Variants in KHDRBS2 observed in about 807,000 individuals in gnomAD.
KHDRBS2 encodes the protein KH domain-containing, RNA-binding, signal transduction-associated protein 2.
A neutral mutation model predicts 44.3 loss-of-function variants in KHDRBS2; 26 were observed. The observed-to-expected ratio is 0.59, with a 90% CI of 0.43 to 0.81. The LOEUF (loss-of-function observed/expected upper bound fraction) is 0.81. Ranked by LOEUF, KHDRBS2 falls within the 40% of genes least tolerant of loss-of-function variation. The pLI is 0.00. For missense variants in KHDRBS2, 476 were observed against 433.1 expected (o/e 1.10, Z -0.88); for synonymous variants, 194 against 151.1 (o/e 1.28, Z -2.08).
At chr6:61,758,576 C>G (rs574376428) in intron 6 of KHDRBS2, among the ~76,000 whole-genome samples, 1 of 152,080 alleles carries the variant, frequency 6.6e-6, no homozygotes, top group Non-Finnish European at 1.5e-5. Context: ...TGGTAGTTTA[C>G]ATAACTTAAA....
chr6:61,970,227 T>C (rs1055210109), intron 4 of KHDRBS2, among the ~76,000 whole-genome samples: 2 of 152,028 alleles, frequency 1.3e-5, no homozygotes, highest in Admixed American at 1.3e-4. Context: ...TAATTCATTA[T>C]TGAACTCCCA....
At chr6:61,793,018 A>G (rs1784838273) in intron 6 of KHDRBS2, among the ~76,000 whole-genome samples, 1 of 152,004 alleles carries the variant, frequency 6.6e-6, no homozygotes, top group Non-Finnish European at 1.5e-5. Flanking sequence ...TCAAGATATT[A>G]CAAAGCTTCG....
At chr6:61,895,240 T>C (rs1180276334) in intron 5 of KHDRBS2, among the ~76,000 whole-genome samples, 1 of 151,986 alleles carries the variant, frequency 6.6e-6, no homozygotes, top group Non-Finnish European at 1.5e-5. Context: ...GGACCATCTC[T>C]GAAACTGAGC....
chr6:61,734,384 A>G (rs1774986633), intron 6 of KHDRBS2, among the ~76,000 whole-genome samples: 1 of 152,110 alleles, frequency 6.6e-6, no homozygotes, highest in Non-Finnish European at 1.5e-5. Context: ...TCCCCAAAAT[A>G]GTAGTTCCTT....
chr6:61,995,709 G>T (rs1777044856), intron 3 of KHDRBS2, among the ~76,000 whole-genome samples: 5 of 152,092 alleles, frequency 3.3e-5, no homozygotes, highest in Admixed American at 2.6e-4. Context: ...TTTTAACTAA[G>T]AGTGGGGAAG....
intron 2 of KHDRBS2, among the ~76,000 whole-genome samples, chr6:62,118,180 G>C (rs1806740319): frequency 6.6e-6 from 1 of 152,170 alleles, no homozygotes; most frequent in Non-Finnish European, 1.5e-5. Context: ...TGTTAATGGT[G>C]TCTTTGTCAA....
chr6:62,116,766 C>T (rs774078747), intron 2 of KHDRBS2, among the ~76,000 whole-genome samples: 4 of 151,836 alleles, frequency 2.6e-5, no homozygotes, highest in Non-Finnish European at 5.9e-5. Context: ...TTTTCTGCGC[C>T]CTCCCACCCC....
chr6:61,841,906 A>G (rs1348297924), intron 6 of KHDRBS2, among the ~76,000 whole-genome samples: 1 of 152,140 alleles, frequency 6.6e-6, no homozygotes, highest in Non-Finnish European at 1.5e-5. Flanking sequence ...TTTATCATGA[A>G]TCACTACCCA....
intron 2 of KHDRBS2, among the ~76,000 whole-genome samples, chr6:62,126,818 GTTAT>G (rs1338111898): frequency 6.6e-6 from 1 of 152,120 alleles, no homozygotes; most frequent in Non-Finnish European, 1.5e-5. Context: ...TGATGTAATA[GTTAT>G]TTATTCAGAA....
chr6:62,072,616 T>C (rs564503340), intron 2 of KHDRBS2, among the ~76,000 whole-genome samples: 1 of 152,330 alleles, frequency 6.6e-6, no homozygotes, highest in South Asian at 2.1e-4. Context: ...TTTTTGTCTT[T>C]GGTTCTGTTT....
intron 2 of KHDRBS2, among the ~76,000 whole-genome samples, chr6:62,104,779 T>TAGTTACAATAAATGAAATAAATAATA (rs1339797517): frequency 1.3e-5 from 2 of 151,922 alleles, no homozygotes; most frequent in African/African-American, 4.8e-5. Flanking sequence ...TAAAAATTCG[T>TAGTTACAATAAATGAAATAAATAATA]AGTTACAATA....
At position 62,237,633 on chromosome 6, in the gene KHDRBS2, T is replaced by C. The variant is rs76350470; in HGVS notation, c.91+48225A>G. ...AAGATTATAAAAGTATTTTATAATA[T>C]GCACAGGGCAATGAAAACGAGTGAG... On this transcript the variant is annotated intron_variant, in intron 1 of 8. Transcript: ENST00000281156. Among the ~76,000 whole-genome samples, 306 of 152,312 alleles carry C rather than the reference T, an allele frequency of 2.0e-3. 2 individuals are homozygous for C. The highest frequency in any genetic ancestry group is 7.1e-3 in the African/African-American group (295 of 41,564).
chr6:61,715,672 C>G (rs1244486377), intron 7 of KHDRBS2, among the ~76,000 whole-genome samples: 5 of 151,954 alleles, frequency 3.3e-5, no homozygotes, highest in Non-Finnish European at 5.9e-5. Flanking sequence ...CAGCACAGTA[C>G]TTATCACATG....
chr6:61,556,517 T>C, the KHDRBS2 span, among the ~76,000 whole-genome samples: 2 of 152,176 alleles, frequency 1.3e-5, no homozygotes, highest in Non-Finnish European at 2.9e-5. Flanking sequence ...CTCACTTCAT[T>C]CTTCTTGAGA....
At chr6:62,093,991 A>G (rs796556183) in intron 2 of KHDRBS2, among the ~76,000 whole-genome samples, 16 of 151,944 alleles carry the variant, frequency 1.1e-4, no homozygotes, top group African/African-American at 3.6e-4. Flanking sequence ...TAAACATGAG[A>G]GTGCAGATAT....
At chr6:61,709,940 G>C (rs541881779) in intron 7 of KHDRBS2, among the ~76,000 whole-genome samples, 1 of 151,554 alleles carries the variant, frequency 6.6e-6, no homozygotes, top group African/African-American at 2.4e-5. Context: ...TAATCTAGTT[G>C]ACTTTGCTAC....
At chr6:62,020,405 A>T (rs1363299018) in intron 3 of KHDRBS2, among the ~76,000 whole-genome samples, 1 of 152,060 alleles carries the variant, frequency 6.6e-6, no homozygotes, top group African/African-American at 2.4e-5. Flanking sequence ...TGAGAAAAGA[A>T]TGTATATTCT....
chr6:62,128,933 A>G (rs1050374724), intron 2 of KHDRBS2, among the ~76,000 whole-genome samples: 2 of 152,102 alleles, frequency 1.3e-5, no homozygotes, highest in Non-Finnish European at 1.5e-5. Context: ...ATTCCTATGC[A>G]GTAACATAAC....
At chr6:62,219,517 A>AAAGATAAAT (rs1830536166) in intron 1 of KHDRBS2, among the ~76,000 whole-genome samples, 1 of 151,718 alleles carries the variant, frequency 6.6e-6, no homozygotes, top group African/African-American at 2.4e-5. Context: ...AAATAAATAC[A>AAAGATAAAT]AAGATAAATA....
Sources: allele counts gnomAD v4.1 joint callset (sites outside exome capture counted in the v4.1 genomes callset), GRCh38; gene constraint gnomAD v4.1.1; transcripts MANE v1.5; gene names NCBI Gene and HGNC (gene_info 2026-07-23, HGNC 2026-07-21).